REPS2: variants seen among roughly 807,000 people sequenced by gnomAD.
The protein encoded by REPS2 is ralBP1-associated Eps domain-containing protein 2.
REPS2 carries 23 observed loss-of-function variants against 53.6 expected under a neutral mutation model. The observed-to-expected ratio is 0.43, with a 90% CI of 0.31 to 0.61. The LOEUF is 0.61. Among genes scored for constraint, REPS2 ranks in the 20% least tolerant of loss-of-function variants. The probability of loss-of-function intolerance (pLI) is 0.11; values close to 1 mark genes in which losing one functional copy is unlikely to be tolerated. For missense variants in REPS2, 446 were observed against 534.9 expected, an observed-to-expected ratio of 0.83 and a Z score of 1.64; for synonymous variants, 238 against 218.6, an observed-to-expected ratio of 1.09 and a Z score of -0.78.
Position 17,074,123 on chromosome X carries a change from A to G in REPS2, c.1343A>G (p.Lys448Arg), listed in dbSNP as rs2062347551. ...AATATCTTTGTTTCAGCAACTCCCA[A>G]GGATTCCAACAGTCTCAAAGCAAGA... ...KDVSEDPATP[K>R]DSNSLKARPR... is the part of the protein sequence containing the mutation. Residue 448 changes from lysine to arginine, a missense_variant, in exon 12 of 18, where the codon AAG (lysine) becomes AGG (arginine). By Grantham distance (26) the Lys-to-Arg change is conservative. Transcript: ENST00000357277. The G allele has an allele frequency of 2.5e-6, 3 of 1,208,413 alleles. No homozygotes were observed. Among genetic ancestry groups the G allele is most frequent in the Non-Finnish European group, 3.4e-6 (3 of 894,368 alleles).
chrX:17,177,563 T>A, the REPS2 span, among the ~76,000 whole-genome samples: 1 of 111,721 alleles, frequency 9.0e-6, no homozygotes, highest in Non-Finnish European at 1.9e-5. Flanking sequence ...CTGGCCCAGA[T>A]GCCTGTCATC....
chrX:17,069,835 C>T, intron 10 of REPS2, 105 bp from the exon 11 acceptor site: 3 of 421,240 alleles, frequency 7.1e-6, no homozygotes, highest in South Asian at 8.0e-5. Context: ...TGATGACTAG[C>T]GATTCTTTGT....
intron 1 of REPS2, 129 bp downstream of exon 1, chrX:16,947,263 C>T (rs2060449164): frequency 7.9e-6 from 7 of 888,587 alleles, no homozygotes; most frequent in African/African-American, 2.1e-5. Context: ...AGAGAGGACT[C>T]TGCAGCCGGG....
rs768243344 is a variant in REPS2, at chrX:17,150,651, T to A, written c.*3170T>A. 1.8e-5 allele frequency: 2 copies of A among 112,553 alleles called. No homozygotes were observed. The highest frequency in any genetic ancestry group is 5.6e-4 in the East Asian group (2 of 3,566). 9.3% of individuals were successfully genotyped at this position (112,553 alleles called of 1,213,427 possible). A position where few individuals can be genotyped will look rare whatever the true frequency, so the allele number is the denominator to read the frequency against. Reference sequence around the variant, plus strand: ...AGCTTAGCTGGAAGCTGTGCCCATCTTACTGTCACTGGAGAATAGGATGTC... The same window carrying A: ...AGCTTAGCTGGAAGCTGTGCCCATCATACTGTCACTGGAGAATAGGATGTC... On this transcript the variant is annotated 3_prime_UTR_variant, in exon 18 of 18. Transcript: ENST00000357277.
chrX:17,000,319 C>T (rs1348131695), intron 1 of REPS2, among the ~76,000 whole-genome samples: 2 of 111,438 alleles, frequency 1.8e-5, no homozygotes, highest in Non-Finnish European at 3.8e-5. Flanking sequence ...TTTTTAGAGA[C>T]AGGGTCTCAC....
At chrX:17,099,017 C>T (rs1274204866) in intron 13 of REPS2, among the ~76,000 whole-genome samples, 1 of 111,607 alleles carries the variant, frequency 9.0e-6, no homozygotes, top group African/African-American at 3.3e-5. Flanking sequence ...AAAGACCTTC[C>T]TTCCTCAGTC....
the REPS2 span, among the ~76,000 whole-genome samples, chrX:17,188,749 T>A: frequency 3.6e-5 from 4 of 112,432 alleles, no homozygotes; most frequent in East Asian, 1.1e-3. Context: ...TCTGATTTTT[T>A]TTTATTATTA....
At chrX:16,961,702 G>A (rs952662642) in intron 1 of REPS2, among the ~76,000 whole-genome samples, 3 of 111,854 alleles carry the variant, frequency 2.7e-5, no homozygotes, top group Admixed American at 1.9e-4. Context: ...AAATAAAAGG[G>A]CAGCCTATGA....
At chrX:17,104,491 G>C (rs989783362) in intron 14 of REPS2, among the ~76,000 whole-genome samples, 3 of 111,119 alleles carry the variant, frequency 2.7e-5, no homozygotes, top group East Asian at 2.8e-4. Flanking sequence ...TCTGATTTTT[G>C]GCAGAAAATT....
chrX:17,174,242 G>T, the REPS2 span, among the ~76,000 whole-genome samples: 1 of 111,667 alleles, frequency 9.0e-6, no homozygotes, highest in East Asian at 2.8e-4. Context: ...TGAGTTTATT[G>T]TCTCCTTTGT....
At chrX:17,045,432 G>A (rs1160764962) in intron 5 of REPS2, among the ~76,000 whole-genome samples, 2 of 110,537 alleles carry the variant, frequency 1.8e-5, no homozygotes, top group African/African-American at 3.3e-5. Context: ...ATTAATACCC[G>A]CTTACATCTC....
chrX:17,196,374 A>G, the REPS2 span, among the ~76,000 whole-genome samples: 2 of 111,590 alleles, frequency 1.8e-5, no homozygotes, highest in South Asian at 3.8e-4. Flanking sequence ...AAAATTCATT[A>G]TGTTGAAACC....
intron 1 of REPS2, among the ~76,000 whole-genome samples, chrX:16,964,750 C>T: frequency 1.0e-5 from 1 of 100,203 alleles, no homozygotes; most frequent in East Asian, 3.3e-4. Flanking sequence ...AGAGGCGCCC[C>T]TCACCTCCCG....
At position 17,062,504 on chromosome X, in the gene REPS2, A is replaced by C; in HGVS notation, c.1181A>C (p.Gln394Pro). The C allele has an allele frequency of 1.7e-6, 2 of 1,204,439 alleles. No individual in the cohort carries two copies. The highest frequency in any genetic ancestry group is 3.6e-5 in the South Asian group (2 of 55,642). The part of the protein sequence containing the change: ...DSYSESLPAN[Q>P]QPRDLNRMEK... ...TATTCTGAGTCACTGCCGGCAAATCAACAACCTCGTGACTTGAATCGGATG... is the reference window on the plus strand; with the variant it reads ...TATTCTGAGTCACTGCCGGCAAATCCACAACCTCGTGACTTGAATCGGATG... The change falls in exon 9 of 18, where the codon CAA becomes CCA. Residue 394 changes from glutamine (Q) to proline (P), a missense_variant. Coordinates refer to ENST00000357277, the MANE Select transcript of REPS2 (RefSeq NM_004726.3).
chrX:17,128,352 A>G lies in REPS2; in HGVS notation c.1579-5472A>G, dbSNP rs188893685. On this transcript the variant is annotated intron_variant, in intron 14 of 17. Transcript: ENST00000357277. ...TAATAGAGTTAACCCTGTTTGAGAC[A>G]GGGGACTGGCCTTTTATATCCTTCT... is the stretch of plus-strand genomic sequence containing the variant. Among the ~76,000 whole-genome samples the G allele has an allele frequency of 1.9e-3, 193 of 99,817 alleles. 3 individuals are homozygous for G. The highest frequency in any genetic ancestry group is 8.0e-4 in the Non-Finnish European group (40 of 50,138). 86.7% of individuals were successfully genotyped at this position (99,817 alleles called of 115,157 possible). A position where few individuals can be genotyped will look rare whatever the true frequency, so the allele number is the denominator to read the frequency against.
the REPS2 span, among the ~76,000 whole-genome samples, chrX:17,158,732 G>A: frequency 2.7e-5 from 3 of 112,119 alleles, no homozygotes; most frequent in Admixed American, 9.4e-5. Flanking sequence ...TGGCAACTAT[G>A]TCTAATTTAA....
intron 1 of REPS2, among the ~76,000 whole-genome samples, chrX:16,964,668 C>G (rs1331445634): frequency 2.0e-5 from 2 of 100,335 alleles, no homozygotes; most frequent in Admixed American, 1.1e-4. Context: ...GCTGACCCCC[C>G]CCACCTCCCT....
At chrX:17,013,565 A>T (rs1320943285) in intron 2 of REPS2, among the ~76,000 whole-genome samples, 1 of 110,757 alleles carries the variant, frequency 9.0e-6, no homozygotes. Flanking sequence ...CATAGAAAAG[A>T]CAGGATAGGA....
intron 5 of REPS2, among the ~76,000 whole-genome samples, chrX:17,037,145 A>G (rs2065331919): frequency 9.0e-6 from 1 of 111,002 alleles, no homozygotes; most frequent in African/African-American, 3.3e-5. Context: ...ACCTGCTTGT[A>G]GTTCTCTTTC....
Sources: allele counts gnomAD v4.1 joint callset (sites outside exome capture counted in the v4.1 genomes callset), GRCh38; gene constraint gnomAD v4.1.1; transcripts MANE v1.5; gene names NCBI Gene and HGNC (gene_info 2026-07-23, HGNC 2026-07-21).